PLXDC2: variants seen among roughly 807,000 people sequenced by gnomAD.
PLXDC2 encodes the protein plexin domain-containing protein 2.
A neutral mutation model predicts 68.9 loss-of-function variants in PLXDC2; 40 were observed. The ratio of observed to expected loss-of-function variants is 0.58; its 90% confidence interval spans 0.45 to 0.76. PLXDC2 has a LOEUF of 0.76. Among genes scored for constraint, PLXDC2 ranks in the 30% least tolerant of loss-of-function variants. The pLI, the probability that PLXDC2 is intolerant of heterozygous loss-of-function variation, is 0.00. For missense variants in PLXDC2, 644 were observed against 661.9 expected, an observed-to-expected ratio of 0.97 and a Z score of 0.30; for synonymous variants, 243 against 234.2, an observed-to-expected ratio of 1.04 and a Z score of -0.34.
intron 7 of PLXDC2, among the ~76,000 whole-genome samples, chr10:20,169,449 G>A (rs888580367): frequency 6.6e-6 from 1 of 152,096 alleles, no homozygotes; most frequent in Admixed American, 6.6e-5. Flanking sequence ...TTGGTAAATA[G>A]CTCTATTAAG....
chr10:20,114,877 A>C (rs563614485), intron 4 of PLXDC2, among the ~76,000 whole-genome samples: 128 of 152,264 alleles, frequency 8.4e-4, no homozygotes, highest in African/African-American at 3.0e-3. Flanking sequence ...TGTGTTTGAA[A>C]ATTCAGCAAT....
chr10:19,851,774 C>G (rs1351476016), intron 1 of PLXDC2, among the ~76,000 whole-genome samples: 2 of 152,152 alleles, frequency 1.3e-5, no homozygotes, highest in Non-Finnish European at 2.9e-5. Flanking sequence ...TCACAAACTC[C>G]TGGCCTCAAG....
intron 1 of PLXDC2, among the ~76,000 whole-genome samples, chr10:19,982,292 G>C (rs556356177): frequency 6.6e-6 from 1 of 152,180 alleles, no homozygotes; most frequent in Non-Finnish European, 1.5e-5. Flanking sequence ...GAATGGTCCC[G>C]TGTGACTGAT....
chr10:19,906,181 C>T (rs1833154230), intron 1 of PLXDC2, among the ~76,000 whole-genome samples: 2 of 151,754 alleles, frequency 1.3e-5, no homozygotes, highest in African/African-American at 4.8e-5. Context: ...TGTGTGTGTG[C>T]ATGTGTATGT....
chr10:20,114,931 A>G (rs1833602934), intron 4 of PLXDC2, among the ~76,000 whole-genome samples: 1 of 152,246 alleles, frequency 6.6e-6, no homozygotes. Flanking sequence ...TGTGCCAAGT[A>G]AAGCACTGAA....
chr10:19,941,651 CT>C (rs1408487745), intron 1 of PLXDC2, among the ~76,000 whole-genome samples: 1 of 152,142 alleles, frequency 6.6e-6, no homozygotes, highest in Non-Finnish European at 1.5e-5. Flanking sequence ...CGTGTTTATC[CT>C]TTTGAAGATC....
At chr10:20,035,929 C>T (rs1015060167) in intron 2 of PLXDC2, among the ~76,000 whole-genome samples, 1 of 152,028 alleles carries the variant, frequency 6.6e-6, no homozygotes, top group African/African-American at 2.4e-5. Flanking sequence ...TAAAATTATA[C>T]ATAGAAGTCA....
At chr10:20,234,606 A>G (rs1004323129) in intron 12 of PLXDC2, among the ~76,000 whole-genome samples, 9 of 151,136 alleles carry the variant, frequency 6.0e-5, no homozygotes, top group Non-Finnish European at 1.2e-4. Context: ...ACAAACTAAA[A>G]TGAAATTCAA....
At chr10:19,817,260 C>G (rs1189424952) in intron 1 of PLXDC2, 69 bp downstream of exon 1, 35 of 1,255,420 alleles carry the variant, frequency 2.8e-5, no homozygotes, top group African/African-American at 1.5e-5. Flanking sequence ...CTCTCGTGCT[C>G]CCTACCCTCT....
chr10:19,881,886 A>G (rs1837734841), intron 1 of PLXDC2, among the ~76,000 whole-genome samples: 1 of 152,250 alleles, frequency 6.6e-6, no homozygotes, highest in Admixed American at 6.5e-5. Flanking sequence ...GCCCATATTG[A>G]CAGTGTACTA....
intron 1 of PLXDC2, among the ~76,000 whole-genome samples, chr10:19,821,152 T>A (rs1836460007): frequency 6.6e-6 from 1 of 152,156 alleles, no homozygotes; most frequent in Admixed American, 6.5e-5. Flanking sequence ...TCTCCTCACA[T>A]TAATACAGTC....
intron 1 of PLXDC2, among the ~76,000 whole-genome samples, chr10:19,944,472 T>C (rs1034958751): frequency 6.6e-6 from 1 of 151,850 alleles, no homozygotes; most frequent in East Asian, 1.9e-4. Context: ...TTCATGTTTG[T>C]TAAAAGAAAA....
intron 1 of PLXDC2, among the ~76,000 whole-genome samples, chr10:19,961,169 T>A (rs571336867): frequency 1.3e-5 from 2 of 152,344 alleles, no homozygotes; most frequent in African/African-American, 2.4e-5. Context: ...AAATAATTAT[T>A]GCATTGTTCT....
chr10:19,926,225 G>T (rs546919221), intron 1 of PLXDC2, among the ~76,000 whole-genome samples: 1 of 152,060 alleles, frequency 6.6e-6, no homozygotes, highest in Admixed American at 6.6e-5. Flanking sequence ...ATCATCCCAT[G>T]GTATAAAATA....
chr10:20,161,210 A>G (rs534879913), intron 6 of PLXDC2, among the ~76,000 whole-genome samples: 6 of 152,222 alleles, frequency 3.9e-5, no homozygotes, highest in South Asian at 2.1e-4. Context: ...TGCTGGTTCT[A>G]CTGATATGGG....
chr10:20,091,819 A>G (rs568803996), intron 4 of PLXDC2: 24 of 152,448 alleles, frequency 1.6e-4, no homozygotes, highest in African/African-American at 5.1e-4. Flanking sequence ...TGAGTTCCAT[A>G]TTACCGGACT....
intron 4 of PLXDC2, among the ~76,000 whole-genome samples, chr10:20,118,849 T>A (rs1833656600): frequency 6.6e-6 from 1 of 152,110 alleles, no homozygotes; most frequent in Non-Finnish European, 1.5e-5. Flanking sequence ...GAACTGAATA[T>A]CAGAGCATTT....
chr10:20,189,372 A>G (rs1274042933), intron 9 of PLXDC2, among the ~76,000 whole-genome samples: 2 of 149,994 alleles, frequency 1.3e-5, no homozygotes, highest in South Asian at 2.1e-4. Flanking sequence ...CCATTTCATC[A>G]TAATCAGATC....
intron 1 of PLXDC2, among the ~76,000 whole-genome samples, chr10:19,996,009 C>A (rs949583663): frequency 2.6e-5 from 4 of 152,200 alleles, no homozygotes; most frequent in Non-Finnish European, 5.9e-5. Flanking sequence ...GAAAGTGGAA[C>A]AAGAGGATGG....
Sources: gnomAD v4.1 joint callset for allele counts (sites outside exome capture counted in the v4.1 genomes callset) on GRCh38, gnomAD v4.1.1 for gene constraint, MANE v1.5 for transcripts, NCBI Gene and HGNC (gene_info 2026-07-23, HGNC 2026-07-21) for gene names.